The following SUGCT variants were observed in gnomAD, a reference collection of about 807,000 sequenced individuals.
SUGCT encodes succinyl-CoA:glutarate-CoA transferase.
SUGCT carries 41 observed loss-of-function variants against 55.0 expected under a neutral mutation model. The observed-to-expected ratio is 0.74, with a 90% CI of 0.58 to 0.97. SUGCT has a LOEUF of 0.97. SUGCT is among the 50% of genes least tolerant of loss of function. The pLI is 0.00. For synonymous variants in SUGCT, 187 were observed against 200.4 expected (o/e 0.93, Z 0.56); for missense variants, 568 against 547.8 (o/e 1.04, Z -0.37).
chr7:40,933,895 G>A, the SUGCT span, among the ~76,000 whole-genome samples: 1 of 152,050 alleles, frequency 6.6e-6, no homozygotes. Context: ...CCTTTAGCTC[G>A]GAGAAGTTTG....
the SUGCT span, among the ~76,000 whole-genome samples, chr7:40,882,997 CTTCCTAGGACTCT>C: frequency 6.6e-6 from 1 of 152,208 alleles, no homozygotes; most frequent in Non-Finnish European, 1.5e-5. Context: ...TCTCCTCCTT[CTTCCTAGGACTCT>C]TTTGCTGCCT....
the SUGCT span, among the ~76,000 whole-genome samples, chr7:40,954,928 G>T: frequency 2.6e-5 from 4 of 152,110 alleles, no homozygotes; most frequent in African/African-American, 9.7e-5. Flanking sequence ...TGTCAGGTTT[G>T]TCAAAGAACA....
intron 9 of SUGCT, among the ~76,000 whole-genome samples, chr7:40,342,408 T>A (rs1797101282): frequency 1.3e-5 from 2 of 152,160 alleles, no homozygotes; most frequent in Non-Finnish European, 1.5e-5. Context: ...AATAGAGTAA[T>A]CAACCATAAT....
At chr7:40,268,970 G>A (rs554058623) in intron 7 of SUGCT, among the ~76,000 whole-genome samples, 1 of 152,240 alleles carries the variant, frequency 6.6e-6, no homozygotes, top group African/African-American at 2.4e-5. Context: ...ATACCCCTTA[G>A]TGAAATTGCT....
At chr7:40,623,897 T>G (rs888169601) in intron 12 of SUGCT, among the ~76,000 whole-genome samples, 2 of 152,226 alleles carry the variant, frequency 1.3e-5, no homozygotes, top group Admixed American at 6.5e-5. Flanking sequence ...GCTTTCTGCC[T>G]CAAGATTCTA....
intron 12 of SUGCT, among the ~76,000 whole-genome samples, chr7:40,519,965 T>C (rs893339704): frequency 6.6e-6 from 1 of 152,028 alleles, no homozygotes; most frequent in South Asian, 2.1e-4. Flanking sequence ...AATGATAGAG[T>C]TACCAATAGC....
At chr7:40,198,767 C>T (rs1367184074) in intron 6 of SUGCT, among the ~76,000 whole-genome samples, 5 of 150,970 alleles carry the variant, frequency 3.3e-5, no homozygotes, top group Admixed American at 6.6e-5. Flanking sequence ...GAGGCCAAGG[C>T]GGGCGGATCA....
intron 7 of SUGCT, among the ~76,000 whole-genome samples, chr7:40,250,397 C>CTT (rs113538451): frequency 1.4e-5 from 2 of 144,800 alleles, no homozygotes; most frequent in African/African-American, 5.1e-5. Context: ...AAGATCTTGT[C>CTT]TTTTTTTTTT....
At chr7:40,777,701 C>A (rs1276905219) in intron 13 of SUGCT, among the ~76,000 whole-genome samples, 1 of 152,016 alleles carries the variant, frequency 6.6e-6, no homozygotes, top group Admixed American at 6.6e-5. Flanking sequence ...CCCAGAAGAT[C>A]TTTAATCTTT....
At chr7:40,622,034 G>A (rs1799288568) in intron 12 of SUGCT, among the ~76,000 whole-genome samples, 4 of 152,222 alleles carry the variant, frequency 2.6e-5, no homozygotes, top group Admixed American at 1.3e-4. Context: ...AAACCTGACC[G>A]TGTATCAGAA....
chr7:40,615,676 G>T (rs942497409), intron 12 of SUGCT, among the ~76,000 whole-genome samples: 1 of 152,210 alleles, frequency 6.6e-6, no homozygotes, highest in African/African-American at 2.4e-5. Flanking sequence ...GGAAATGTGG[G>T]ATCCGTGGTA....
chr7:41,011,753 C>T, the SUGCT span, among the ~76,000 whole-genome samples: 1 of 152,200 alleles, frequency 6.6e-6, no homozygotes, highest in African/African-American at 2.4e-5. Flanking sequence ...ATAGGTTATA[C>T]AAATTACTAC....
intron 6 of SUGCT, among the ~76,000 whole-genome samples, chr7:40,223,005 C>T (rs374245763): frequency 5.6e-4 from 83 of 148,066 alleles, no homozygotes; most frequent in African/African-American, 2.1e-3. Flanking sequence ...TTCCTTCCTT[C>T]CTTCCTTCCT....
At chr7:40,743,815 G>A (rs1003386237) in intron 12 of SUGCT, among the ~76,000 whole-genome samples, 1 of 152,156 alleles carries the variant, frequency 6.6e-6, no homozygotes, top group African/African-American at 2.4e-5. Flanking sequence ...CAGGGCCTAT[G>A]CTCAGGGCTT....
intron 1 of SUGCT, among the ~76,000 whole-genome samples, chr7:40,161,370 A>C (rs768776495): frequency 2.6e-5 from 4 of 152,142 alleles, no homozygotes; most frequent in South Asian, 4.1e-4. Context: ...GGCTCTCTCT[A>C]TATTTTTTTG....
the SUGCT span, among the ~76,000 whole-genome samples, chr7:41,007,300 T>G: frequency 5.3e-5 from 8 of 152,188 alleles, no homozygotes; most frequent in African/African-American, 1.9e-4. Context: ...TCCTGTTTGA[T>G]CAAGTGAGAT....
chr7:40,285,497 G>T lies in SUGCT; in HGVS notation c.720+10841G>T, dbSNP rs796335464. Among the ~76,000 whole-genome samples, 4 of 149,382 alleles carry T rather than the reference G, an allele frequency of 2.7e-5. No individual in the cohort carries two copies. The South Asian group carries it at 8.4e-4, about 32-fold the overall frequency. ...TTCTTGTTTTTTTCTTTTTTCGGGG[G>T]GGGGCAAGAATTTTATTTAGAATAA... is the stretch of plus-strand genomic sequence containing the variant. On this transcript the variant is annotated intron_variant, in intron 8 of 13. Coordinates refer to ENST00000335693, the MANE Select transcript of SUGCT (RefSeq NM_001193313.2).
At chr7:40,268,849 G>C (rs1791794824) in intron 7 of SUGCT, among the ~76,000 whole-genome samples, 1 of 152,118 alleles carries the variant, frequency 6.6e-6, no homozygotes, top group Non-Finnish European at 1.5e-5. Context: ...ATGTTGGCCA[G>C]ACTAGTCTCG....
In SUGCT at chr7:40,727,397, A is replaced by T. The variant is rs558301149; in HGVS notation, c.1090-22037A>T. On this transcript the variant is annotated intron_variant, in intron 12 of 13. Coordinates refer to ENST00000335693, the MANE Select transcript of SUGCT (RefSeq NM_001193313.2). ...CATCTTTCTTCATCTTCAGCAGTGG[A>T]ATCTAGCCCATTGGACCATTCTCCT... Among the ~76,000 whole-genome samples, 13 of 152,306 alleles carry T rather than the reference A, an allele frequency of 8.5e-5. 1 individual carries two copies. In the South Asian group the frequency reaches 2.7e-3, roughly 32 times the overall value.
Sources: gnomAD v4.1 joint callset for allele counts (sites outside exome capture counted in the v4.1 genomes callset) on GRCh38, gnomAD v4.1.1 for gene constraint, MANE v1.5 for transcripts, NCBI Gene and HGNC (gene_info 2026-07-23, HGNC 2026-07-21) for gene names.